NBAS: variants seen among roughly 807,000 people sequenced by gnomAD.
NBAS encodes NAG/BC035112 fusion.
A neutral mutation model predicts 302.5 loss-of-function variants in NBAS; 219 were observed. The observed-to-expected ratio is 0.72, with a 90% CI of 0.65 to 0.81. NBAS has a LOEUF of 0.81. Among genes scored for constraint, NBAS ranks in the 30% least tolerant of loss-of-function variants. The probability of loss-of-function intolerance (pLI) is 0.00; values close to 1 mark genes in which losing one functional copy is unlikely to be tolerated. For synonymous variants in NBAS, 1,118 were observed against 1,021.6 expected, an observed-to-expected ratio of 1.09 and a Z score of -1.80; for missense variants, 2,932 against 2,841.6, an observed-to-expected ratio of 1.03 and a Z score of -0.72.
chr2:15,560,725 T>C (rs1388712413), intron 1 of NBAS, among the ~76,000 whole-genome samples: 1 of 152,002 alleles, frequency 6.6e-6, no homozygotes, highest in East Asian at 1.9e-4. Flanking sequence ...CTGCAGACTG[T>C]AAGGTCCTGG....
the NBAS span, among the ~76,000 whole-genome samples, chr2:14,785,220 C>A: frequency 6.6e-6 from 1 of 152,144 alleles, no homozygotes; most frequent in Non-Finnish European, 1.5e-5. Flanking sequence ...AGATTTTGGG[C>A]TGAGACGATG....
chr2:15,084,386 A>C, the NBAS span, among the ~76,000 whole-genome samples: 3 of 152,312 alleles, frequency 2.0e-5, no homozygotes, highest in South Asian at 6.2e-4. Context: ...TTATATGATC[A>C]CAGAAGTAAT....
chr2:14,841,154 G>A, the NBAS span, among the ~76,000 whole-genome samples: 25 of 151,700 alleles, frequency 1.6e-4, no homozygotes, highest in African/African-American at 5.6e-4. Flanking sequence ...TTTTTTGAAA[G>A]ATTCATGATA....
chr2:15,496,529 G>T (rs1187439390), intron 11 of NBAS, among the ~76,000 whole-genome samples: 2 of 152,026 alleles, frequency 1.3e-5, no homozygotes, highest in Non-Finnish European at 2.9e-5. Flanking sequence ...CCACATATTT[G>T]TTTGATGCAA....
At chr2:15,484,239 C>G (rs1680538307) in intron 12 of NBAS, among the ~76,000 whole-genome samples, 1 of 152,140 alleles carries the variant, frequency 6.6e-6, no homozygotes, top group South Asian at 2.1e-4. Flanking sequence ...ATATATCTCC[C>G]TTGCTTACCA....
intron 25 of NBAS, among the ~76,000 whole-genome samples, chr2:15,406,619 C>A (rs1676427704): frequency 1.3e-5 from 2 of 151,966 alleles, no homozygotes; most frequent in African/African-American, 4.8e-5. Context: ...CAAAAGACAA[C>A]TGACCAACTG....
the NBAS span, among the ~76,000 whole-genome samples, chr2:14,834,040 A>G: frequency 6.6e-6 from 1 of 152,200 alleles, no homozygotes. Context: ...CACCAAACAT[A>G]TAAGTTAGCG....
the NBAS span, among the ~76,000 whole-genome samples, chr2:14,989,983 G>T: frequency 5.9e-5 from 9 of 152,084 alleles, no homozygotes; most frequent in African/African-American, 1.7e-4. Flanking sequence ...ATAAAGCAAA[G>T]AAATATATCA....
chr2:15,185,478 T>C (rs568273344), intron 50 of NBAS, among the ~76,000 whole-genome samples: 1 of 152,302 alleles, frequency 6.6e-6, no homozygotes, highest in Non-Finnish European at 1.5e-5. Context: ...ACATGTTGCT[T>C]ACTTTGGTGG....
chr2:15,351,842 A>C, intron 35 of NBAS, 150 bp downstream of exon 35: 1 of 704,416 alleles, frequency 1.4e-6, no homozygotes. Context: ...ACACACACAC[A>C]AAAGCTGAAA....
Position 15,229,781 on chromosome 2 carries a change from T to TA in NBAS, c.6236+2640dup, listed in dbSNP as rs548444923. On this transcript the variant is annotated intron_variant, in intron 47 of 51. Coordinates refer to ENST00000281513, the MANE Select transcript of NBAS (RefSeq NM_015909.4). ...CTGGCCAACAAGAGCAAACTCCACG[T>TA]AAAAAAAAAAAAGAAAAGAAAAAAA... is the stretch of plus-strand genomic sequence containing the variant. Among the ~76,000 whole-genome samples, 1,030 of 117,318 alleles carry TA rather than the reference T, an allele frequency of 8.8e-3. 5 individuals carry two copies. Among genetic ancestry groups the TA allele is most frequent in the Middle Eastern group, 0.023 (5 of 222 alleles). 77.0% of individuals were successfully genotyped at this position (117,318 alleles called of 152,430 possible).
the NBAS span, among the ~76,000 whole-genome samples, chr2:14,858,519 T>C: frequency 6.6e-6 from 1 of 152,080 alleles, no homozygotes; most frequent in South Asian, 2.1e-4. Flanking sequence ...GTCTCTTGAA[T>C]GGAACTGGAG....
intron 9 of NBAS, among the ~76,000 whole-genome samples, chr2:15,534,221 T>C (rs906180713): frequency 3.9e-5 from 6 of 152,314 alleles, no homozygotes; most frequent in Admixed American, 2.0e-4. Context: ...ACTTTATATA[T>C]AGCACTAGTT....
the NBAS span, among the ~76,000 whole-genome samples, chr2:15,108,636 C>A: frequency 6.8e-3 from 1,034 of 152,182 alleles, 17 homozygotes; most frequent in African/African-American, 0.023. Flanking sequence ...GGCCACATAA[C>A]AAAGATATCA....
chr2:14,951,907 G>T, the NBAS span, among the ~76,000 whole-genome samples: 1 of 152,154 alleles, frequency 6.6e-6, no homozygotes, highest in Non-Finnish European at 1.5e-5. Context: ...CTACAACCCG[G>T]CTGTCTTCCT....
At chr2:15,414,846 G>C (rs2148457641) in intron 25 of NBAS, among the ~76,000 whole-genome samples, 1 of 152,248 alleles carries the variant, frequency 6.6e-6, no homozygotes, top group African/African-American at 2.4e-5. Context: ...TCGGAAGGCT[G>C]AGGCAGGAGA....
intron 42 of NBAS, among the ~76,000 whole-genome samples, chr2:15,278,853 A>C (rs1669704422): frequency 6.6e-6 from 1 of 152,232 alleles, no homozygotes; most frequent in Admixed American, 6.5e-5. Flanking sequence ...TAGTGAAAGA[A>C]GCACTTGAAT....
chr2:15,156,918 T>C, the NBAS span, among the ~76,000 whole-genome samples: 14 of 152,196 alleles, frequency 9.2e-5, no homozygotes, highest in African/African-American at 2.4e-4. Flanking sequence ...TTTCTTAACC[T>C]TTCTGGATTT....
chr2:15,559,322 C>T (rs1414760242), intron 1 of NBAS, among the ~76,000 whole-genome samples: 1 of 152,120 alleles, frequency 6.6e-6, no homozygotes, highest in East Asian at 1.9e-4. Flanking sequence ...ATCTCCAAGG[C>T]CAATTCATTG....
Sources: allele counts gnomAD v4.1 joint callset (sites outside exome capture counted in the v4.1 genomes callset), GRCh38; gene constraint gnomAD v4.1.1; transcripts MANE v1.5; gene names NCBI Gene and HGNC (gene_info 2026-07-23, HGNC 2026-07-21).